LOC400499: variants seen among roughly 807,000 people sequenced by gnomAD.
At chr16:11,453,434 A>C in the LOC400499 span, among the ~76,000 whole-genome samples, 7 of 152,154 alleles carry the variant, frequency 4.6e-5, no homozygotes, top group Non-Finnish European at 8.8e-5. Context: ...ACAGAAATAA[A>C]AAGAAAAAGG....
At chr16:11,487,516 T>C in the LOC400499 span, 1 of 373,228 alleles carries the variant, frequency 2.7e-6, no homozygotes, top group Non-Finnish European at 4.5e-6. Context: ...CTGGCCAGGA[T>C]GGGAAACAGC....
At chr16:11,498,656 C>T in the LOC400499 span, among the ~76,000 whole-genome samples, 1 of 151,858 alleles carries the variant, frequency 6.6e-6, no homozygotes, top group East Asian at 1.9e-4. Context: ...TCATGCAGGG[C>T]CTTGCTGACT....
chr16:11,525,254 C>A, the LOC400499 span, among the ~76,000 whole-genome samples: 1 of 147,000 alleles, frequency 6.8e-6, no homozygotes, highest in African/African-American at 2.5e-5. Flanking sequence ...CTGGTGCGAT[C>A]GTATTCCAGC....
chr16:11,503,702 G>A, the LOC400499 span, among the ~76,000 whole-genome samples: 1 of 152,242 alleles, frequency 6.6e-6, no homozygotes, highest in Admixed American at 6.5e-5. Context: ...CTGCCAACGT[G>A]TCTGCCCACC....
At chr16:11,415,784 G>A in the LOC400499 span, among the ~76,000 whole-genome samples, 1 of 152,100 alleles carries the variant, frequency 6.6e-6, no homozygotes, top group African/African-American at 2.4e-5. Flanking sequence ...TCGGGAACTA[G>A]AGCGGCGTGG....
the LOC400499 span, among the ~76,000 whole-genome samples, chr16:11,456,698 G>A: frequency 2.0e-5 from 3 of 150,990 alleles, no homozygotes; most frequent in East Asian, 5.8e-4. Flanking sequence ...ACAGTGCTGG[G>A]ATTACAGGCG....
At chr16:11,523,526 T>C in the LOC400499 span, 1 of 398,396 alleles carries the variant, frequency 2.5e-6, no homozygotes. Context: ...AGGCATAAGA[T>C]AGCCCCACGC....
At chr16:11,493,659 G>A in the LOC400499 span, 1 of 397,194 alleles carries the variant, frequency 2.5e-6, no homozygotes, top group Non-Finnish European at 4.4e-6. Flanking sequence ...CAGAGCAGGG[G>A]ACCCTTCGGA....
the LOC400499 span, among the ~76,000 whole-genome samples, chr16:11,445,369 T>C: frequency 3.7e-4 from 56 of 151,720 alleles, no homozygotes; most frequent in African/African-American, 1.3e-3. Flanking sequence ...TGCAGTGAGC[T>C]GAGACTGCAC....
the LOC400499 span, among the ~76,000 whole-genome samples, chr16:11,489,206 C>T: frequency 3.3e-5 from 5 of 152,302 alleles, no homozygotes; most frequent in East Asian, 3.9e-4. Flanking sequence ...TCTGCCTCTC[C>T]GAGCCTCAGT....
chr16:11,399,175 A>C, the LOC400499 span: 1 of 977,500 alleles, frequency 1.0e-6, no homozygotes, highest in Non-Finnish European at 1.2e-6. Flanking sequence ...GGAGCTCCCG[A>C]TCTCCCTCCG....
At chr16:11,409,332 A>G in the LOC400499 span, among the ~76,000 whole-genome samples, 52,909 of 152,032 alleles carry the variant, frequency 0.35, 9,389 homozygotes, top group South Asian at 0.39. Context: ...TGTAGAAGGA[A>G]AATATTCTAG....
the LOC400499 span, among the ~76,000 whole-genome samples, chr16:11,403,660 A>C: frequency 0.19 from 28,801 of 152,222 alleles, 4,610 homozygotes; most frequent in African/African-American, 0.43. Context: ...CACACCTGGC[A>C]GGCTGTGGGT....
At chr16:11,436,087 G>A in the LOC400499 span, among the ~76,000 whole-genome samples, 1 of 152,230 alleles carries the variant, frequency 6.6e-6, no homozygotes, top group African/African-American at 2.4e-5. Flanking sequence ...TGGCCCAGGG[G>A]TACAGTCCCA....
the LOC400499 span, among the ~76,000 whole-genome samples, chr16:11,493,196 A>T: frequency 6.6e-6 from 1 of 152,200 alleles, no homozygotes; most frequent in South Asian, 2.1e-4. Flanking sequence ...AGGGATTAGC[A>T]AACTTTTTCT....
the LOC400499 span, chr16:11,467,150 AC>A: frequency 6.5e-6 from 1 of 154,526 alleles, no homozygotes; most frequent in South Asian, 1.9e-4. Context: ...ATGAGGTTTC[AC>A]CATGTTGGCC....
the LOC400499 span, among the ~76,000 whole-genome samples, chr16:11,440,535 C>T: frequency 6.6e-6 from 1 of 152,234 alleles, no homozygotes; most frequent in Non-Finnish European, 1.5e-5. Flanking sequence ...AAGAGCCAAA[C>T]ATTGTTTACA....
the LOC400499 span, among the ~76,000 whole-genome samples, chr16:11,457,544 G>A: frequency 1.4e-5 from 2 of 142,442 alleles, no homozygotes; most frequent in South Asian, 4.4e-4. Flanking sequence ...AGTGAGCCGA[G>A]ATCGCACCAC....
the LOC400499 span, among the ~76,000 whole-genome samples, chr16:11,394,909 G>A: frequency 1.3e-5 from 2 of 152,342 alleles, no homozygotes; most frequent in East Asian, 3.9e-4. Flanking sequence ...ATACCTGTCT[G>A]TTGCATTAAG....
Sources: allele counts gnomAD v4.1 joint callset (sites outside exome capture counted in the v4.1 genomes callset), GRCh38; gene constraint gnomAD v4.1.1; transcripts MANE v1.5.